The following ROBO2 variants were observed in gnomAD, a reference collection of about 807,000 sequenced individuals.
ROBO2 encodes roundabout guidance receptor 2, also known as roundabout homolog 2.
In ROBO2, 53 loss-of-function variants were observed where a neutral mutation model predicts 160.8. That is an observed-to-expected ratio of 0.33 (90% CI 0.26 to 0.41). The LOEUF (loss-of-function observed/expected upper bound fraction) is 0.41. Among genes scored for constraint, ROBO2 ranks in the 10% least tolerant of loss-of-function variants. ROBO2 has a pLI of 1.00. For synonymous variants in ROBO2, 664 were observed against 611.7 expected, an observed-to-expected ratio of 1.09 and a Z score of -1.26; for missense variants, 1,577 against 1,722.4, an observed-to-expected ratio of 0.92 and a Z score of 1.49.
At chr3:76,713,370 C>T (rs1350568466) in intron 2 of ROBO2, among the ~76,000 whole-genome samples, 2 of 151,998 alleles carry the variant, frequency 1.3e-5, no homozygotes. Flanking sequence ...ACAATGATTC[C>T]TTTATGCATT....
At chr3:76,117,063 A>G (rs1366078025) in intron 2 of ROBO2, among the ~76,000 whole-genome samples, 1 of 152,176 alleles carries the variant, frequency 6.6e-6, no homozygotes, top group East Asian at 1.9e-4. Context: ...TTTGATAATA[A>G]TTGGCTATTA....
intron 2 of ROBO2, among the ~76,000 whole-genome samples, chr3:76,043,525 G>C (rs1450962887): frequency 2.1e-5 from 3 of 141,972 alleles, no homozygotes; most frequent in South Asian, 2.2e-4. Flanking sequence ...GGCTGGAGAA[G>C]ACCTAACATT....
At chr3:76,828,204 T>C (rs2066746432) in intron 2 of ROBO2, among the ~76,000 whole-genome samples, 1 of 152,144 alleles carries the variant, frequency 6.6e-6, no homozygotes, top group African/African-American at 2.4e-5. Flanking sequence ...TGAGTCACAG[T>C]TTCTATGTCA....
intron 2 of ROBO2, among the ~76,000 whole-genome samples, chr3:76,346,363 T>A (rs892351947): frequency 6.6e-6 from 1 of 152,072 alleles, no homozygotes. Flanking sequence ...AAATGTAGGC[T>A]ACACCTCTTC....
At chr3:77,536,374 TTC>T (rs924198336) in intron 6 of ROBO2, among the ~76,000 whole-genome samples, 8 of 151,834 alleles carry the variant, frequency 5.3e-5, no homozygotes, top group African/African-American at 9.7e-5. Flanking sequence ...TCAAATTTGT[TTC>T]TCTCTCTCTT....
At chr3:77,079,986 A>G (rs114179633) in intron 1 of ROBO2, among the ~76,000 whole-genome samples, 98 of 152,332 alleles carry the variant, frequency 6.4e-4, no homozygotes, top group Non-Finnish European at 1.2e-3. Context: ...TCCACCATAC[A>G]GTGTTAAATA....
intron 2 of ROBO2, among the ~76,000 whole-genome samples, chr3:76,452,439 C>T (rs2077525646): frequency 1.3e-5 from 2 of 151,934 alleles, no homozygotes; most frequent in African/African-American, 4.8e-5. Flanking sequence ...TTTTTTTGTC[C>T]TTGCAATAGT....
At chr3:76,325,892 A>G (rs1370820818) in intron 2 of ROBO2, among the ~76,000 whole-genome samples, 1 of 151,828 alleles carries the variant, frequency 6.6e-6, no homozygotes, top group Non-Finnish European at 1.5e-5. Flanking sequence ...GGTGGATTGA[A>G]GTTATCATTG....
intron 2 of ROBO2, among the ~76,000 whole-genome samples, chr3:76,788,124 T>TA (rs201208942): frequency 0.015 from 2,191 of 150,830 alleles, 47 homozygotes; most frequent in African/African-American, 0.05. Context: ...AGGGAAATAA[T>TA]AAAAAAGAGA....
chr3:76,322,607 T>C (rs1417832233), intron 2 of ROBO2, among the ~76,000 whole-genome samples: 1 of 152,128 alleles, frequency 6.6e-6, no homozygotes, highest in Non-Finnish European at 1.5e-5. Context: ...TAGCATGTTT[T>C]TCCCAAGCAC....
chr3:76,092,089 A>G (rs1447142132), intron 2 of ROBO2, among the ~76,000 whole-genome samples: 1 of 152,154 alleles, frequency 6.6e-6, no homozygotes, highest in African/African-American at 2.4e-5. Flanking sequence ...ACAATGTGTC[A>G]GTGTAAGTTC....
At chr3:77,033,638 G>A (rs1483117818) in intron 2 of ROBO2, among the ~76,000 whole-genome samples, 1 of 152,086 alleles carries the variant, frequency 6.6e-6, no homozygotes, top group Non-Finnish European at 1.5e-5. Flanking sequence ...AATTTCCATT[G>A]ACATTGTCTA....
chr3:75,989,241 C>T (rs1267503836), intron 2 of ROBO2, among the ~76,000 whole-genome samples: 2 of 152,064 alleles, frequency 1.3e-5, no homozygotes, highest in African/African-American at 4.8e-5. Context: ...CCTCAGCCTC[C>T]CAAGTAGCTG....
chr3:76,704,986 G>A (rs2093130179), intron 2 of ROBO2, among the ~76,000 whole-genome samples: 1 of 152,108 alleles, frequency 6.6e-6, no homozygotes, highest in Non-Finnish European at 1.5e-5. Flanking sequence ...CTTTTTCTGG[G>A]TAAAGTTAGA....
intron 2 of ROBO2, among the ~76,000 whole-genome samples, chr3:77,251,673 C>A (rs2153301739): frequency 6.6e-6 from 1 of 152,174 alleles, no homozygotes; most frequent in African/African-American, 2.4e-5. Flanking sequence ...TAGGAGGGAC[C>A]TAGGGGGAGA....
At chr3:76,842,589 A>G (rs1303953913) in intron 2 of ROBO2, among the ~76,000 whole-genome samples, 1 of 152,236 alleles carries the variant, frequency 6.6e-6, no homozygotes, top group Non-Finnish European at 1.5e-5. Flanking sequence ...TGTATGATTT[A>G]ATGAGATTAG....
intron 2 of ROBO2, among the ~76,000 whole-genome samples, chr3:76,893,245 A>G (rs2074493210): frequency 6.6e-6 from 1 of 152,020 alleles, no homozygotes; most frequent in African/African-American, 2.4e-5. Flanking sequence ...GAACTATTCA[A>G]CAAGATGACA....
chr3:76,070,842 G>A (rs1559886867), intron 2 of ROBO2, among the ~76,000 whole-genome samples: 2 of 152,080 alleles, frequency 1.3e-5, no homozygotes, highest in Admixed American at 1.3e-4. Flanking sequence ...CGGAATATCA[G>A]GGCAGATTCC....
chr3:77,351,755 G>T (rs1027203372), intron 2 of ROBO2, among the ~76,000 whole-genome samples: 7 of 152,094 alleles, frequency 4.6e-5, no homozygotes, highest in African/African-American at 1.7e-4. Context: ...GGAAGCACTT[G>T]TTATATTAAC....
Sources: gnomAD v4.1 joint callset for allele counts (sites outside exome capture counted in the v4.1 genomes callset) on GRCh38, gnomAD v4.1.1 for gene constraint, MANE v1.5 for transcripts, NCBI Gene and HGNC (gene_info 2026-07-23, HGNC 2026-07-21) for gene names.